FBN1: variants seen among roughly 807,000 people sequenced by gnomAD.
The protein encoded by FBN1 is fibrillin-1.
A neutral mutation model predicts 365.1 loss-of-function variants in FBN1; 29 were observed. The ratio of observed to expected loss-of-function variants is 0.08; its 90% confidence interval spans 0.06 to 0.11. The LOEUF is 0.11. Among genes scored for constraint, FBN1 ranks in the 10% least tolerant of loss-of-function variants. FBN1 has a pLI of 1.00. For synonymous variants in FBN1, 1,210 were observed against 1,270.5 expected (o/e 0.95, Z 1.01); for missense variants, 2,476 against 3,703.2 (o/e 0.67, Z 8.60).
chr15:48,639,185 A>G (rs908787322), intron 2 of FBN1, among the ~76,000 whole-genome samples: 1 of 152,198 alleles, frequency 6.6e-6, no homozygotes, highest in Non-Finnish European at 1.5e-5. Context: ...AAATTAATGG[A>G]GAAAGAAAAG....
rs73394254 is a variant in FBN1, at chr15:48,572,582, A to G, written c.538+23701T>C. Among the ~76,000 whole-genome samples the G allele has an allele frequency of 6.4e-3, 978 of 152,234 alleles. 9 individuals carry two copies. Among genetic ancestry groups the G allele is most frequent in the African/African-American group, 0.023 (950 of 41,576 alleles). ...AAGCAAAGAGCCCCCAAGGATCAGT[A>G]CTGGGGATTGTCTAAAACGGCATTT... On this transcript the variant is annotated intron_variant, in intron 6 of 65. Transcript: ENST00000316623.
At chr15:48,515,637 T>TCTTTC in intron 11 of FBN1, 110 bp from the exon 12 acceptor site, 3 of 1,452,310 alleles carry the variant, frequency 2.1e-6, no homozygotes, top group Non-Finnish European at 2.9e-6. Flanking sequence ...AAGAGGATAC[T>TCTTTC]CTTTGGGCAA....
chr15:48,482,486 C>T (rs2043472517), intron 31 of FBN1, among the ~76,000 whole-genome samples: 1 of 152,092 alleles, frequency 6.6e-6, no homozygotes, highest in African/African-American at 2.4e-5. Flanking sequence ...GAAAGAAAAA[C>T]TAGGTGAATC....
chr15:48,496,484 A>C (rs1334047118), intron 19 of FBN1, among the ~76,000 whole-genome samples: 6 of 152,182 alleles, frequency 3.9e-5, no homozygotes, highest in Admixed American at 3.9e-4. Context: ...TTATTTCTTT[A>C]GCAGGAAGAA....
At chr15:48,435,690 G>T (rs924091593) in intron 53 of FBN1, among the ~76,000 whole-genome samples, 3 of 116,744 alleles carry the variant, frequency 2.6e-5, no homozygotes, top group Non-Finnish European at 5.1e-5. Flanking sequence ...GTGTGTGTGT[G>T]CATGTGTGTG....
In FBN1 at chr15:48,487,338, A is replaced by G. The variant is rs758018009; in HGVS notation, c.3437T>C (p.Leu1146Pro). The G allele has an allele frequency of 1.2e-6, 2 of 1,614,262 alleles. No individual in the cohort carries two copies. The highest frequency in any genetic ancestry group is 2.2e-5 in the South Asian group (2 of 91,088). ...GATACACGCGGAGATGTTGGGGGAC[A>G]GCTGATGGCCAGGCGGGCATTCACA... ...YRCECPPGHQLSPNISACIDI... is the reference protein window; with the variant it reads ...YRCECPPGHQPSPNISACIDI... The change falls in exon 28 of 66, where the codon CTG becomes CCG. Residue 1146 changes from leucine to proline, a missense_variant. Leu to Pro is a moderately conservative substitution (Grantham distance 98). Transcript: ENST00000316623.
At chr15:48,560,415 T>C (rs1220263511) in intron 6 of FBN1, among the ~76,000 whole-genome samples, 1 of 152,212 alleles carries the variant, frequency 6.6e-6, no homozygotes, top group Non-Finnish European at 1.5e-5. Context: ...TTAAATGTGA[T>C]AATACGTAAC....
chr15:48,583,490 C>T (rs2044412248), intron 6 of FBN1, among the ~76,000 whole-genome samples: 1 of 152,210 alleles, frequency 6.6e-6, no homozygotes, highest in South Asian at 2.1e-4. Flanking sequence ...GGTCTTACAG[C>T]CACCTGGAAA....
At chr15:48,615,741 T>G (rs1889638934) in intron 2 of FBN1, among the ~76,000 whole-genome samples, 1 of 150,534 alleles carries the variant, frequency 6.6e-6, no homozygotes, top group African/African-American at 2.4e-5. Context: ...TAAAACTATA[T>G]TTTAAAGTTG....
chr15:48,637,078 T>C (rs1370972178), intron 2 of FBN1, among the ~76,000 whole-genome samples: 2 of 152,178 alleles, frequency 1.3e-5, no homozygotes, highest in Admixed American at 6.5e-5. Flanking sequence ...CTCCTCGCCT[T>C]TGTCTTTCAC....
At chr15:48,526,068 A>G in intron 9 of FBN1, 62 bp downstream of exon 9, 9 of 1,604,332 alleles carry the variant, frequency 5.6e-6, no homozygotes, top group Non-Finnish European at 7.7e-6. Flanking sequence ...GCTTGTTTAG[A>G]AAGTTGTTTG....
chr15:48,493,541 C>T (rs938860492), intron 23 of FBN1, among the ~76,000 whole-genome samples: 2 of 152,132 alleles, frequency 1.3e-5, no homozygotes, highest in Non-Finnish European at 1.5e-5. Flanking sequence ...TTATTAACAG[C>T]GGGTCTGGAC....
chr15:48,603,125 C>T (rs1436336328), intron 4 of FBN1, among the ~76,000 whole-genome samples: 1 of 152,174 alleles, frequency 6.6e-6, no homozygotes, highest in African/African-American at 2.4e-5. Flanking sequence ...GGTAAGTTTA[C>T]AATTAAATGC....
chr15:48,452,805 A>G (rs2043211688), intron 44 of FBN1, 121 bp from the exon 45 acceptor site: 1 of 1,105,854 alleles, frequency 9.0e-7, no homozygotes, highest in Non-Finnish European at 1.3e-6. Flanking sequence ...AAGACAACAT[A>G]GATGTGTACA....
intron 38 of FBN1, 29 bp downstream of exon 38, chr15:48,467,909 T>C: frequency 6.3e-7 from 1 of 1,596,434 alleles, no homozygotes; most frequent in Non-Finnish European, 8.6e-7. Context: ...GGAGTTGAAA[T>C]AATAATAAAT....
intron 45 of FBN1, among the ~76,000 whole-genome samples, chr15:48,450,406 G>C (rs755988614): frequency 1.3e-5 from 2 of 152,136 alleles, no homozygotes; most frequent in Non-Finnish European, 2.9e-5. Flanking sequence ...TGAAACATGG[G>C]GAGTACTTTG....
intron 4 of FBN1, among the ~76,000 whole-genome samples, chr15:48,601,484 G>C (rs1259339948): frequency 6.6e-6 from 1 of 152,138 alleles, no homozygotes; most frequent in Admixed American, 6.6e-5. Flanking sequence ...AAGAAGGTTC[G>C]ATAATTTTAG....
intron 48 of FBN1, among the ~76,000 whole-genome samples, chr15:48,444,965 C>T (rs1406584501): frequency 6.6e-6 from 1 of 151,222 alleles, no homozygotes; most frequent in Admixed American, 6.6e-5. Flanking sequence ...TGAGAGCTTA[C>T]TACAAAAGTA....
At chr15:48,487,521 G>C (rs1395494385) in intron 27 of FBN1, 84 bp from the exon 28 acceptor site, 9 of 1,582,502 alleles carry the variant, frequency 5.7e-6, no homozygotes, top group Admixed American at 3.3e-5. Context: ...CCATTGCTGG[G>C]TGTCCATCTT....
Sources: gnomAD v4.1 joint callset for allele counts (sites outside exome capture counted in the v4.1 genomes callset) on GRCh38, gnomAD v4.1.1 for gene constraint, MANE v1.5 for transcripts, NCBI Gene and HGNC (gene_info 2026-07-23, HGNC 2026-07-21) for gene names.